The following CSMD1 variants were observed in gnomAD, a reference collection of about 807,000 sequenced individuals.
CSMD1 encodes the protein CUB and sushi domain-containing protein 1.
Under a neutral mutation model 417.5 loss-of-function variants are expected in CSMD1, and 213 were observed. The ratio of observed to expected loss-of-function variants is 0.51; its 90% CI spans 0.46 to 0.57. CSMD1 has a LOEUF of 0.57. CSMD1 is among the 20% of genes least tolerant of loss of function. The pLI is 0.00. For synonymous variants in CSMD1, 2,862 were observed against 1,736.8 expected (o/e 1.65, Z -16.11); for missense variants, 6,923 against 4,529.7 (o/e 1.53, Z -15.17).
At chr8:4,607,987 C>A (rs1410698556) in intron 2 of CSMD1, among the ~76,000 whole-genome samples, 1 of 152,078 alleles carries the variant, frequency 6.6e-6, no homozygotes, top group African/African-American at 2.4e-5. Flanking sequence ...TTATTATATA[C>A]AGTGGTCAGA....
chr8:3,005,212 G>A (rs1346383170), intron 52 of CSMD1, among the ~76,000 whole-genome samples: 2 of 152,180 alleles, frequency 1.3e-5, no homozygotes, highest in Non-Finnish European at 2.9e-5. Context: ...TATGGACTGT[G>A]CAGTACCCTG....
intron 3 of CSMD1, among the ~76,000 whole-genome samples, chr8:4,054,527 A>G (rs1156889400): frequency 6.6e-6 from 1 of 151,666 alleles, no homozygotes; most frequent in Non-Finnish European, 1.5e-5. Context: ...ACCTCATCCA[A>G]TTATCAAACA....
chr8:4,521,229 G>A (rs373109457), intron 2 of CSMD1, among the ~76,000 whole-genome samples: 1 of 152,008 alleles, frequency 6.6e-6, no homozygotes, highest in Non-Finnish European at 1.5e-5. Flanking sequence ...TAACAAAAAA[G>A]AACCAGAATG....
chr8:3,834,035 G>A lies in CSMD1; in HGVS notation c.819-79993C>T, dbSNP rs192183218. Among the ~76,000 whole-genome samples, 5 of 151,952 alleles carry A rather than the reference G, an allele frequency of 3.3e-5. No homozygotes were observed. In the South Asian group the frequency reaches 6.2e-4, roughly 19 times the overall value. Reference sequence around the variant, plus strand: ...GATTTAAATATTTAACTCTTGACACGGTCACTAATGTAAAGTTTGGTCACT... The same window carrying A: ...GATTTAAATATTTAACTCTTGACACAGTCACTAATGTAAAGTTTGGTCACT... On this transcript the variant is annotated intron_variant, in intron 5 of 69. Coordinates refer to ENST00000635120, the MANE Select transcript of CSMD1 (RefSeq NM_033225.6).
At chr8:3,878,834 C>A (rs1448670589) in intron 5 of CSMD1, among the ~76,000 whole-genome samples, 2 of 152,284 alleles carry the variant, frequency 1.3e-5, no homozygotes, top group African/African-American at 2.4e-5. Context: ...CATATCTTAT[C>A]AAGTGTGTCC....
chr8:3,802,365 T>C (rs1359181237), intron 5 of CSMD1, among the ~76,000 whole-genome samples: 3 of 152,174 alleles, frequency 2.0e-5, no homozygotes, highest in Admixed American at 6.5e-5. Flanking sequence ...TGCATGTGCT[T>C]ATAGAGATAT....
intron 2 of CSMD1, among the ~76,000 whole-genome samples, chr8:4,611,191 G>C (rs1434444247): frequency 6.6e-6 from 1 of 152,122 alleles, no homozygotes; most frequent in South Asian, 2.1e-4. Context: ...ATCTGGGCGA[G>C]TGTATACACA....
chr8:3,366,866 G>T (rs540128069), intron 20 of CSMD1, among the ~76,000 whole-genome samples, 166 bp downstream of exon 20: 1 of 152,100 alleles, frequency 6.6e-6, no homozygotes, highest in Non-Finnish European at 1.5e-5. Context: ...ACCCTGCTTC[G>T]TGGAGGCTCA....
chr8:4,296,737 G>T (rs1170062926), intron 3 of CSMD1, among the ~76,000 whole-genome samples: 1 of 104,848 alleles, frequency 9.5e-6, no homozygotes, highest in African/African-American at 3.6e-5. Flanking sequence ...ACACTCTATT[G>T]GGTATATTTC....
chr8:4,679,121 G>A (rs2130970620), intron 1 of CSMD1, among the ~76,000 whole-genome samples: 1 of 152,166 alleles, frequency 6.6e-6, no homozygotes, highest in South Asian at 2.1e-4. Context: ...TTCTTTTTCT[G>A]TCAATGTACT....
At chr8:3,445,171 G>A (rs140477636) in intron 12 of CSMD1, among the ~76,000 whole-genome samples, 2 of 152,100 alleles carry the variant, frequency 1.3e-5, no homozygotes, top group Admixed American at 6.5e-5. Flanking sequence ...TCATAACACA[G>A]TACACTTTTA....
intron 3 of CSMD1, among the ~76,000 whole-genome samples, chr8:4,362,925 A>G (rs2128908461): frequency 6.6e-6 from 1 of 152,336 alleles, no homozygotes; most frequent in African/African-American, 2.4e-5. Flanking sequence ...TATTTCTTAA[A>G]CTGTTAGGAC....
intron 37 of CSMD1, among the ~76,000 whole-genome samples, chr8:3,167,378 C>T (rs961666493): frequency 6.6e-6 from 1 of 151,730 alleles, no homozygotes; most frequent in Non-Finnish European, 1.5e-5. Context: ...TTTGTGCCAA[C>T]CTAATACATG....
intron 5 of CSMD1, among the ~76,000 whole-genome samples, chr8:3,955,695 G>A (rs1252500590): frequency 1.3e-5 from 2 of 152,100 alleles, no homozygotes; most frequent in South Asian, 4.1e-4. Flanking sequence ...GAAAGAGGAT[G>A]AATACGTGGA....
At chr8:4,246,420 T>C (rs896239869) in intron 3 of CSMD1, among the ~76,000 whole-genome samples, 1 of 152,210 alleles carries the variant, frequency 6.6e-6, no homozygotes, top group Non-Finnish European at 1.5e-5. Context: ...TAATAAGTTG[T>C]AGAGAAAGGG....
intron 3 of CSMD1, among the ~76,000 whole-genome samples, chr8:4,041,128 T>A (rs538858594): frequency 6.7e-6 from 1 of 149,238 alleles, no homozygotes; most frequent in South Asian, 2.1e-4. Context: ...GCCATTCTCC[T>A]GCCTCAGCCT....
intron 5 of CSMD1, among the ~76,000 whole-genome samples, chr8:3,903,039 G>A (rs1022123398): frequency 5.3e-5 from 8 of 152,072 alleles, no homozygotes; most frequent in Admixed American, 1.3e-4. Context: ...TTAAAGTAGC[G>A]TGTAGCTGAC....
intron 3 of CSMD1, among the ~76,000 whole-genome samples, chr8:4,083,962 T>A (rs1800283140): frequency 1.3e-5 from 2 of 151,936 alleles, no homozygotes; most frequent in African/African-American, 2.4e-5. Flanking sequence ...AGGGCTAATA[T>A]CCAGAATCTA....
At chr8:3,929,301 G>A (rs2627336) in intron 5 of CSMD1, among the ~76,000 whole-genome samples, 103,778 of 149,810 alleles carry the variant, frequency 0.69, 37,936 homozygotes, top group African/African-American at 0.83. Flanking sequence ...ACTCAATGCT[G>A]AAATTAAAAA....
Sources: gnomAD v4.1 joint callset for allele counts (sites outside exome capture counted in the v4.1 genomes callset) on GRCh38, gnomAD v4.1.1 for gene constraint, MANE v1.5 for transcripts, NCBI Gene and HGNC (gene_info 2026-07-23, HGNC 2026-07-21) for gene names.